RENBP: variants seen among roughly 807,000 people sequenced by gnomAD.
The protein encoded by RENBP is N-acylglucosamine 2-epimerase.
Under a neutral mutation model 37.8 loss-of-function variants are expected in RENBP, and 16 were observed. That is an observed-to-expected ratio of 0.42 (90% CI 0.29 to 0.64). The LOEUF is 0.64. Ranked by LOEUF, RENBP falls within the 30% of genes least tolerant of loss-of-function variation. The probability of loss-of-function intolerance (pLI) is 0.19; values close to 1 mark genes in which losing one functional copy is unlikely to be tolerated. For missense variants in RENBP, 347 were observed against 379.5 expected (o/e 0.91, Z 0.71); for synonymous variants, 170 against 154.8 (o/e 1.10, Z -0.73).
Position 153,943,013 on chromosome X carries a change from G to A in RENBP, c.529C>T (p.Arg177Trp), listed in dbSNP as rs782141736. 16 of 1,205,916 alleles carry A rather than the reference G, an allele frequency of 1.3e-5. No homozygotes were observed. Among genetic ancestry groups the A allele is most frequent in the South Asian group, 7.1e-5 (4 of 56,512 alleles). Residue 177 changes from arginine (R) to tryptophan (W), a missense_variant, in exon 6 of 11, where the codon CGG becomes TGG. Physicochemically the swap from Arg to Trp is moderately radical, Grantham distance 101. This residue lies in a region of RENBP where 244 missense variants were observed against 279.4 expected (regional missense o/e 0.87). Coordinates refer to ENST00000393700, the MANE Select transcript of RENBP (RefSeq NM_002910.6). ...GCCGGGGCCCCCTGGAGCTGGGGCCGGCCCAGTCCCGACGCGTCCTCCTGC... is the reference window on the plus strand; with the variant it reads ...GCCGGGGCCCCCTGGAGCTGGGGCCAGCCCAGTCCCGACGCGTCCTCCTGC... ...WVQEDASGLG[R>W]PQLQGAPAAE... is the part of the protein sequence containing the mutation.
At chrX:153,942,441 T>C in intron 6 of RENBP, 1 of 197,084 alleles carries the variant, frequency 5.1e-6, no homozygotes, top group Non-Finnish European at 9.2e-6. Context: ...TTCACTATAT[T>C]GGCCAGGCTG....
At position 153,944,612 on chromosome X, in the gene RENBP, C is replaced by T; in HGVS notation, c.-2G>A. ...TCGCGCTGGGAGACCCTTGCTCATC[C>T]CTCCTGCTCCTCTAGGAAGCCAGAC... On this transcript the variant is annotated 5_prime_UTR_variant, in exon 1 of 11. Coordinates refer to ENST00000393700, the MANE Select transcript of RENBP (RefSeq NM_002910.6). 13 of 1,166,645 alleles carry T rather than the reference C, an allele frequency of 1.1e-5. No individual in the cohort carries two copies. Among genetic ancestry groups the T allele is most frequent in the Non-Finnish European group, 1.5e-5 (13 of 872,288 alleles).
chrX:153,944,191 G>A (rs1557110177), intron 2 of RENBP, 36 bp from the exon 3 acceptor site: 1 of 1,184,304 alleles, frequency 8.4e-7, no homozygotes, highest in African/African-American at 1.8e-5. Context: ...TCTGGAACGG[G>A]CCTTGCCAGC....
chrX:153,938,493 G>A (rs1200194942), intron 9 of RENBP, among the ~76,000 whole-genome samples: 3 of 112,253 alleles, frequency 2.7e-5, no homozygotes, highest in Non-Finnish European at 5.6e-5. Flanking sequence ...CTTTAGAAAC[G>A]CATGATGAAT....
intron 6 of RENBP, 127 bp downstream of exon 6, chrX:153,942,728 C>G (rs1257737489): frequency 1.4e-5 from 8 of 588,202 alleles, no homozygotes; most frequent in Non-Finnish European, 2.0e-5. Flanking sequence ...CCCTCAGGCC[C>G]TCCACCTTCC....
intron 5 of RENBP, 108 bp downstream of exon 5, chrX:153,943,438 C>T: frequency 1.2e-6 from 1 of 842,960 alleles, no homozygotes; most frequent in East Asian, 3.4e-5. Flanking sequence ...GGGACTTGGC[C>T]CACAGATGGG....
intron 8 of RENBP, among the ~76,000 whole-genome samples, chrX:153,941,222 C>T (rs782642049): frequency 3.7e-5 from 4 of 109,166 alleles, no homozygotes; most frequent in African/African-American, 1.0e-4. Flanking sequence ...TCTTTTATTC[C>T]TTTACTTTCT....
In RENBP at chrX:153,935,557, C is replaced by T; in HGVS notation, c.1097G>A (p.Gly366Glu). Residue 366 changes from glycine to glutamate, a missense_variant, in exon 10 of 11, where the codon GGG (glycine) becomes GAG (glutamate). By Grantham distance (98) the Gly-to-Glu change is moderately conservative (BLOSUM62 -2). Around this residue, in one of 3 missense-constraint regions of RENBP, gnomAD observed 91 missense variants for 67.7 expected, o/e 1.34. Transcript: ENST00000393700. ...TFRQFRDPEY[G>E]EWFGYLSREG... ...TCGGCTCAGGTAGCCAAACCATTCCCCGTACTCGGGATCGCGAAACTGGAA... is the reference window on the plus strand; with the variant it reads ...TCGGCTCAGGTAGCCAAACCATTCCTCGTACTCGGGATCGCGAAACTGGAA... 1 of 1,210,327 alleles carries T rather than the reference C, an allele frequency of 8.3e-7. No homozygotes were observed. The highest frequency in any genetic ancestry group is 1.1e-6 in the Non-Finnish European group (1 of 894,639).
chrX:153,938,165 A>C (rs2065211129), intron 9 of RENBP, among the ~76,000 whole-genome samples: 1 of 112,785 alleles, frequency 8.9e-6, no homozygotes, highest in Non-Finnish European at 1.9e-5. Flanking sequence ...TTAAATATTA[A>C]GATATAGCTG....
rs1557109906 is a variant in RENBP at position 153,943,081 on chromosome X, TG to T, written c.463-3del. The T allele has an allele frequency of 4.4e-6, 5 of 1,145,130 alleles. No individual in the cohort carries two copies. Among genetic ancestry groups the T allele is most frequent in the African/African-American group, 1.8e-5 (1 of 56,305 alleles). The allele number at this position is 1,145,130 out of a possible 1,213,427, so 94.4% of individuals were successfully genotyped here. ...ATCCATCATCTCCACCGCTTCCGTC[TG>T]GGGGTGCAGGAGGCAAGGGGAGGCC... is the stretch of plus-strand genomic sequence containing the variant. On this transcript the variant is annotated splice_polypyrimidine_tract_variant and splice_region_variant and intron_variant, in intron 5 of 10. Coordinates refer to ENST00000393700, the MANE Select transcript of RENBP (RefSeq NM_002910.6).
chrX:153,937,047 A>C (rs2065206228), intron 9 of RENBP: 1 of 110,583 alleles, frequency 9.0e-6, no homozygotes, highest in South Asian at 3.7e-4. Flanking sequence ...AAAAAAATTA[A>C]AGAATTAGCT....
rs782419949 is a variant in RENBP, at chrX:153,943,571, C to G, written c.437G>C (p.Arg146Thr). The G allele has an allele frequency of 1.7e-6, 2 of 1,210,888 alleles. No homozygotes were observed. Among genetic ancestry groups the G allele is most frequent in the Non-Finnish European group, 2.2e-6 (2 of 894,906 alleles). ...CTGGTACCGCACTTCCCCTGTGGCT[C>G]TCCACAGCTCGTTCATGGCCATGGT... ...FYTMAMNELWRATGEVRYQTE... is the reference protein window; with the variant it reads ...FYTMAMNELWTATGEVRYQTE... Residue 146 changes from arginine (R) to threonine (T), a missense_variant, in exon 5 of 11, where the codon AGA becomes ACA. Arg to Thr is a moderately conservative substitution (Grantham distance 71). Coordinates refer to ENST00000393700, the MANE Select transcript of RENBP (RefSeq NM_002910.6).
At chrX:153,935,447 G>A in intron 10 of RENBP, 42 bp downstream of exon 10, 3 of 1,159,094 alleles carry the variant, frequency 2.6e-6, no homozygotes, top group Admixed American at 4.5e-5. Context: ...GGGGGCAGCC[G>A]AGAGGCGCAA....
intron 8 of RENBP, 119 bp downstream of exon 8, chrX:153,941,359 G>T: frequency 1.4e-6 from 1 of 703,339 alleles, no homozygotes; most frequent in Non-Finnish European, 2.1e-6. Context: ...CACAGAAGCT[G>T]AGAGCAGGCC....
chrX:153,936,912 C>T (rs184992315), intron 9 of RENBP, among the ~76,000 whole-genome samples: 108 of 112,091 alleles, frequency 9.6e-4, no homozygotes, highest in Non-Finnish European at 1.5e-3. Context: ...AAAACTAGTC[C>T]TGGGCTGGGC....
At chrX:153,936,366 A>C (rs782246668) in intron 9 of RENBP, among the ~76,000 whole-genome samples, 7 of 105,133 alleles carry the variant, frequency 6.7e-5, no homozygotes, top group South Asian at 4.4e-4. Context: ...ATTAGCCGGG[A>C]GTGGTGGCGG....
At position 153,940,226 on chromosome X, in the gene RENBP, C is replaced by T. The variant is rs2065220498; in HGVS notation, c.953G>A (p.Trp318Ter). 2 of 1,208,922 alleles carry T rather than the reference C, an allele frequency of 1.7e-6. No individual in the cohort carries two copies. Among genetic ancestry groups the T allele is most frequent in the Admixed American group, 2.2e-5 (1 of 45,652 alleles). The change falls in exon 9 of 11, where the codon TGG (tryptophan) becomes TAG (stop). Residue 318 changes from tryptophan to a stop codon, truncating the protein, a stop_gained. Transcript: ENST00000393700. LOFTEE classifies it high-confidence loss of function. ...ADNFCPTQLEWAMKLWWPHSE... is the reference protein window; with the variant it reads ...ADNFCPTQLE ...GTGTGGCCACCAGAGCTTCATGGCC[C>T]ACTCCAGCTGAGGGGAGAGCAGGGG...
At chrX:153,939,325 G>A (rs1557109133) in intron 9 of RENBP, among the ~76,000 whole-genome samples, 4 of 111,885 alleles carry the variant, frequency 3.6e-5, no homozygotes, top group East Asian at 5.6e-4. Flanking sequence ...CGGTTCAAGC[G>A]ATCCTCCCGT....
intron 6 of RENBP, chrX:153,942,529 G>A (rs1422797270): frequency 6.8e-6 from 2 of 293,044 alleles, no homozygotes; most frequent in Non-Finnish European, 1.2e-5. Context: ...GAGCCACCGC[G>A]TCCAGCCCGG....
Sources: gnomAD v4.1 joint callset for allele counts (sites outside exome capture counted in the v4.1 genomes callset) on GRCh38, gnomAD v4.1.1 for gene constraint, gnomAD v4.1.1 regional missense constraint, MANE v1.5 for transcripts, NCBI Gene and HGNC (gene_info 2026-07-23, HGNC 2026-07-21) for gene names.